The following GRAP2 variants were observed in gnomAD, a reference collection of about 807,000 sequenced individuals.
GRAP2 encodes the protein GRB2 related adaptor protein 2, also known as GRB2-related adapter protein 2.
GRAP2 carries 31 observed loss-of-function variants against 43.5 expected under a neutral mutation model. The observed-to-expected ratio is 0.71, with a 90% CI of 0.54 to 0.96. The LOEUF is 0.96. Among genes scored for constraint, GRAP2 ranks in the 40% least tolerant of loss-of-function variants. The pLI, the probability that GRAP2 is intolerant of heterozygous loss-of-function variation, is 0.00. For missense variants in GRAP2, 371 were observed against 424.4 expected (o/e 0.87, Z 1.11); for synonymous variants, 156 against 164.8 (o/e 0.95, Z 0.41).
chr22:39,953,392 C>T (rs1017967671), intron 2 of GRAP2, among the ~76,000 whole-genome samples: 18 of 152,310 alleles, frequency 1.2e-4, no homozygotes, highest in Admixed American at 3.3e-4. Flanking sequence ...CCAGTGGCAT[C>T]CCAGAGTCCT....
chr22:39,956,896 G>A (rs553918447), intron 3 of GRAP2, among the ~76,000 whole-genome samples: 4 of 152,184 alleles, frequency 2.6e-5, no homozygotes, highest in South Asian at 2.1e-4. Flanking sequence ...TCTCCTAAGC[G>A]CTTCTCTGTG....
chr22:39,906,223 T>C (rs1361813900), intron 1 of GRAP2, among the ~76,000 whole-genome samples: 1 of 152,180 alleles, frequency 6.6e-6, no homozygotes, highest in Non-Finnish European at 1.5e-5. Context: ...CTGTACTATA[T>C]AAGATTTTAC....
intron 1 of GRAP2, among the ~76,000 whole-genome samples, chr22:39,937,577 A>G (rs1255473103): frequency 6.6e-6 from 1 of 152,258 alleles, no homozygotes; most frequent in Non-Finnish European, 1.5e-5. Context: ...TGTCTCTACA[A>G]GAAAGGATTG....
intron 1 of GRAP2, among the ~76,000 whole-genome samples, chr22:39,924,817 C>T (rs1337064210): frequency 2.0e-5 from 3 of 152,198 alleles, no homozygotes; most frequent in Admixed American, 6.5e-5. Flanking sequence ...GGTTCCCATC[C>T]TCTGGGGCTT....
chr22:39,905,911 G>A (rs758707532), intron 1 of GRAP2, among the ~76,000 whole-genome samples: 14 of 152,126 alleles, frequency 9.2e-5, no homozygotes, highest in African/African-American at 2.7e-4. Flanking sequence ...TTGAAAATCC[G>A]GGAGGTTGCC....
At chr22:39,943,324 G>A (rs1291697526) in intron 1 of GRAP2, among the ~76,000 whole-genome samples, 1 of 152,052 alleles carries the variant, frequency 6.6e-6, no homozygotes, top group Non-Finnish European at 1.5e-5. Context: ...AGATTTTTTT[G>A]GTAGTAAAAG....
At chr22:39,970,753 T>TTG in intron 7 of GRAP2, 152 bp from the exon 8 acceptor site, 1 of 618,442 alleles carries the variant, frequency 1.6e-6, no homozygotes, top group Middle Eastern at 4.3e-4. Context: ...AGACCCCATC[T>TTG]CTACAAAAAA....
chr22:39,938,935 C>T (rs1429970921), intron 1 of GRAP2, among the ~76,000 whole-genome samples: 15 of 152,068 alleles, frequency 9.9e-5, no homozygotes. Context: ...GCTGCAGAGG[C>T]CCCCCTCGTT....
At chr22:39,955,573 G>GGA (rs981816278) in intron 2 of GRAP2, among the ~76,000 whole-genome samples, 1 of 152,190 alleles carries the variant, frequency 6.6e-6, no homozygotes, top group African/African-American at 2.4e-5. Flanking sequence ...GCCACAGTGG[G>GGA]GTGACATGAG....
At chr22:39,926,034 G>T (rs1184601181) in intron 1 of GRAP2, among the ~76,000 whole-genome samples, 1 of 152,176 alleles carries the variant, frequency 6.6e-6, no homozygotes, top group East Asian at 1.9e-4. Context: ...ATGATGTCTT[G>T]CAATTGTCTA....
rs116737536 is a variant in GRAP2 at position 39,927,652 on chromosome 22, G to T, written c.-14-19441G>T. Among the ~76,000 whole-genome samples, 1,022 of 152,162 alleles carry T rather than the reference G, an allele frequency of 6.7e-3. 13 individuals are homozygous for T. Among genetic ancestry groups the T allele is most frequent in the African/African-American group, 0.023 (968 of 41,496 alleles). ...AACCTTGGTCCATCCAGGCCCAATC[G>T]ATCTAAGGCATGACTTTTTTTTTTC... On this transcript the variant is annotated intron_variant, in intron 1 of 7. Transcript: ENST00000344138.
At chr22:39,921,805 T>G (rs563710526) in intron 1 of GRAP2, among the ~76,000 whole-genome samples, 15 of 152,306 alleles carry the variant, frequency 9.8e-5, no homozygotes, top group Middle Eastern at 3.4e-3. Context: ...TTATTATTTA[T>G]TTATTTAGTT....
chr22:39,958,305 A>G (rs888789004), intron 3 of GRAP2, among the ~76,000 whole-genome samples: 2 of 152,070 alleles, frequency 1.3e-5, no homozygotes, highest in Non-Finnish European at 2.9e-5. Context: ...TCTCATCACC[A>G]TACCTTACAT....
At chr22:39,926,500 A>AT in intron 1 of GRAP2, 66 of 528,568 alleles carry the variant, frequency 1.2e-4, no homozygotes, top group South Asian at 2.5e-4. Flanking sequence ...AAAAAAAAAA[A>AT]GGAAAAGAGC....
At chr22:39,902,542 C>T (rs2145563618) in intron 1 of GRAP2, among the ~76,000 whole-genome samples, 1 of 151,914 alleles carries the variant, frequency 6.6e-6, no homozygotes, top group South Asian at 2.1e-4. Context: ...GAGAGGTGGC[C>T]CTATATTATT....
At chr22:39,949,491 C>G (rs1470243079) in intron 2 of GRAP2, among the ~76,000 whole-genome samples, 9 of 152,208 alleles carry the variant, frequency 5.9e-5, no homozygotes, top group Non-Finnish European at 1.3e-4. Flanking sequence ...CTGTCTGACT[C>G]CTAAGCACTA....
Position 39,971,584 on chromosome 22 carries a change from A to G in GRAP2, c.*500A>G, listed in dbSNP as rs2067244477. The stretch of plus-strand genomic sequence containing the variant: ...TTCTCCAAGGGGTGGGCACTGTTGC[A>G]TTAGGAATTAAGGTGCAGCCCAGTG... On this transcript the variant is annotated 3_prime_UTR_variant, in exon 8 of 8. Transcript: ENST00000344138. 6.5e-6 allele frequency: 1 copy of G among 154,650 alleles called. No individual in the cohort carries two copies. Among genetic ancestry groups the G allele is most frequent in the Admixed American group, 6.5e-5 (1 of 15,306 alleles). 9.6% of individuals were successfully genotyped at this position (154,650 alleles called of 1,614,324 possible). A position where few individuals can be genotyped will look rare whatever the true frequency, so the allele number is the denominator to read the frequency against.
intron 1 of GRAP2, among the ~76,000 whole-genome samples, chr22:39,939,222 G>A (rs1386926210): frequency 6.6e-6 from 1 of 152,194 alleles, no homozygotes; most frequent in Non-Finnish European, 1.5e-5. Context: ...AACAGGACAG[G>A]TCCTCTTGAG....
intron 1 of GRAP2, among the ~76,000 whole-genome samples, chr22:39,901,572 A>AC (rs1303402354): frequency 6.6e-6 from 1 of 152,224 alleles, no homozygotes; most frequent in Non-Finnish European, 1.5e-5. Flanking sequence ...TAACACAAAA[A>AC]TCTCCACAAA....
Sources: gnomAD v4.1 joint callset for allele counts (sites outside exome capture counted in the v4.1 genomes callset) on GRCh38, gnomAD v4.1.1 for gene constraint, MANE v1.5 for transcripts, NCBI Gene and HGNC (gene_info 2026-07-23, HGNC 2026-07-21) for gene names.